Variants in TSC22D1 observed in about 807,000 individuals in gnomAD.
TSC22D1 encodes the protein TSC22 domain family protein 1.
TSC22D1 carries 9 observed loss-of-function variants against 74.2 expected under a neutral mutation model. The ratio of observed to expected loss-of-function variants is 0.12; its 90% confidence interval spans 0.07 to 0.21. TSC22D1 has a LOEUF of 0.21. Ranked by LOEUF, TSC22D1 falls within the 10% of genes least tolerant of loss-of-function variation. The pLI is 1.00. For synonymous variants in TSC22D1, 586 were observed against 492.5 expected, an observed-to-expected ratio of 1.19 and a Z score of -2.51; for missense variants, 1,427 against 1,304.7, an observed-to-expected ratio of 1.09 and a Z score of -1.44.
At position 44,448,892 on chromosome 13, in the gene TSC22D1, C is replaced by CGTGTGTGT. The variant is rs4053650; in HGVS notation, c.2913-12805_2913-12798dup. Among the ~76,000 whole-genome samples, 323 of 150,182 alleles carry CGTGTGTGT rather than the reference C, an allele frequency of 2.2e-3. 1 individual carries two copies. The highest frequency in any genetic ancestry group is 7.1e-3 in the African/African-American group (290 of 40,904). ...AAGTGCACACCAGAAATTCTAGATC[C>CGTGTGTGT]GTGTGTGTGTGTGTGTGTGTGTGTA... On this transcript the variant is annotated intron_variant, in intron 1 of 2. Coordinates refer to ENST00000458659, the MANE Select transcript of TSC22D1 (RefSeq NM_183422.4).
At chr13:44,539,908 T>TGGTA in intron 1 of TSC22D1, 1 of 1,289,746 alleles carries the variant, frequency 7.8e-7, no homozygotes, top group Non-Finnish European at 1.0e-6. Context: ...CTTGCACCTC[T>TGGTA]GGTAGGAGAG....
chr13:44,532,482 C>A (rs1335690731), intron 1 of TSC22D1, among the ~76,000 whole-genome samples: 1 of 151,284 alleles, frequency 6.6e-6, no homozygotes, highest in Non-Finnish European at 1.5e-5. Flanking sequence ...TCTACAAAAT[C>A]TTTTTTTTTG....
chr13:44,565,219 A>G (rs571954161), intron 1 of TSC22D1, among the ~76,000 whole-genome samples: 1 of 152,190 alleles, frequency 6.6e-6, no homozygotes, highest in Non-Finnish European at 1.5e-5. Context: ...GGGAAAAGGT[A>G]GTAAGTATAA....
rs1183541042 is a variant in TSC22D1 at position 44,505,164 on chromosome 13, C to A, written c.2912+67999G>T. ...TATTTTTGGGTCAAGCACAGTGGCT[C>A]ATGCCTGCAATCCCAGAACTTTGGG... On this transcript the variant is annotated intron_variant, in intron 1 of 2. Transcript: ENST00000458659. Among the ~76,000 whole-genome samples, 3 of 152,296 alleles carry A rather than the reference C, an allele frequency of 2.0e-5. No homozygotes were observed. In the East Asian group the frequency reaches 5.8e-4, roughly 29 times the overall value.
intron 1 of TSC22D1, among the ~76,000 whole-genome samples, chr13:44,478,894 A>AGT (rs60733643): frequency 0.025 from 3,779 of 150,134 alleles, 87 homozygotes; most frequent in African/African-American, 0.065. Context: ...ACACACAGGT[A>AGT]GTGTGTGTGT....
intron 1 of TSC22D1, among the ~76,000 whole-genome samples, chr13:44,490,268 C>T (rs970269509): frequency 6.6e-5 from 10 of 151,156 alleles, no homozygotes; most frequent in African/African-American, 2.4e-4. Flanking sequence ...TTCAAAATGG[C>T]CAAAACTAAC....
In TSC22D1 at chr13:44,573,535, G is replaced by A. The variant is rs781702747; in HGVS notation, c.2540C>T (p.Ala847Val). The change falls in exon 1 of 3, where the codon GCC (alanine) becomes GTC (valine). Residue 847 changes from alanine (A) to valine (V), a missense_variant. By Grantham distance (64) the Ala-to-Val change is moderately conservative (BLOSUM62 0). This residue lies in a region of TSC22D1 where 1,343 missense variants were observed against 1,191.5 expected (regional missense o/e 1.13). Coordinates refer to ENST00000458659, the MANE Select transcript of TSC22D1 (RefSeq NM_183422.4). ...SSTGPSGMPS[A>V]PTNLVPPQNI... ...TTGTGGTGGAACCAAGTTTGTTGGGGCAGAAGGCATTCCAGAAGGACCAGT... is the reference window on the plus strand; with the variant it reads ...TTGTGGTGGAACCAAGTTTGTTGGGACAGAAGGCATTCCAGAAGGACCAGT... 5.0e-6 allele frequency: 8 copies of A among 1,614,212 alleles called. No homozygotes were observed. The highest frequency in any genetic ancestry group is 6.8e-6 in the Non-Finnish European group (8 of 1,180,042).
Position 44,573,222 on chromosome 13 carries a change from A to C in TSC22D1, c.2853T>G (p.Ser951=). Residue 951 remains serine (S), a synonymous_variant, in exon 1 of 3, where the codon TCT becomes TCG. Transcript: ENST00000458659. ...GCGGTAGCACCTTCAACGGGAAAAG[A>C]GAAGCAGAGGCTGCTAGGCTGCTGC... ...GSSSSLAASA[S]LFPLKVLPLT... 6.2e-7 allele frequency: 1 copy of C among 1,614,226 alleles called. No individual in the cohort carries two copies. The highest frequency in any genetic ancestry group is 1.3e-5 in the African/African-American group (1 of 75,066).
In TSC22D1 at chr13:44,434,865, A is replaced by G; in HGVS notation, c.2983T>C (p.Leu995=). 1 of 1,613,404 alleles carries G rather than the reference A, an allele frequency of 6.2e-7. No homozygotes were observed. Among genetic ancestry groups the G allele is most frequent in the East Asian group, 2.2e-5 (1 of 44,884 alleles). ...EQAMDLVKSH[L]MYAVREEVEV... The stretch of plus-strand genomic sequence containing the variant: ...ACTTCTTCTCTGACCGCATACATCA[A>G]ATGGCTTTTCACTAGATCCTGGAAA... Residue 995 remains leucine (L), a synonymous_variant, in exon 3 of 3, where the codon TTG becomes CTG. Coordinates refer to ENST00000458659, the MANE Select transcript of TSC22D1 (RefSeq NM_183422.4).
chr13:44,444,278 C>CAAAAAAAAAA lies in TSC22D1; in HGVS notation c.2913-8193_2913-8184dup, dbSNP rs71070905. 3.0e-3 allele frequency among the ~76,000 whole-genome samples: 52 copies of CAAAAAAAAAA among 17,592 alleles called. 2 individuals carry two copies. Among genetic ancestry groups the CAAAAAAAAAA allele is most frequent in the African/African-American group, 5.2e-3 (22 of 4,212 alleles). The allele number at this position is 17,592 out of a possible 152,430, so 11.5% of individuals were successfully genotyped here. A position where few individuals can be genotyped will look rare whatever the true frequency, so the allele number is the denominator to read the frequency against. On this transcript the variant is annotated intron_variant, in intron 1 of 2. Transcript: ENST00000458659. ...TGGGGAACAGAGCAAGACTCTGTCT[C>CAAAAAAAAAA]AAAAAAAAAAAAAAAAAAAAAAAAA... is the stretch of plus-strand genomic sequence containing the variant.
At chr13:44,517,759 G>C (rs1336656644) in intron 1 of TSC22D1, among the ~76,000 whole-genome samples, 1 of 71,526 alleles carries the variant, frequency 1.4e-5, no homozygotes, top group Non-Finnish European at 3.1e-5. Context: ...ATATATGTGT[G>C]TGTGTATATA....
At chr13:44,441,295 G>T (rs185363866) in intron 1 of TSC22D1, among the ~76,000 whole-genome samples, 139 of 152,332 alleles carry the variant, frequency 9.1e-4, no homozygotes, top group African/African-American at 3.2e-3. Context: ...ACACATCTAA[G>T]CATTTGCAGG....
At chr13:44,451,254 G>T (rs573626014) in intron 1 of TSC22D1, among the ~76,000 whole-genome samples, 10 of 152,254 alleles carry the variant, frequency 6.6e-5, no homozygotes, top group South Asian at 6.2e-4. Flanking sequence ...GACAGAAGCG[G>T]GACACTGCAA....
intron 1 of TSC22D1, among the ~76,000 whole-genome samples, chr13:44,565,775 C>T (rs1296356413): frequency 6.6e-6 from 1 of 152,134 alleles, no homozygotes; most frequent in Admixed American, 6.5e-5. Flanking sequence ...CTAGGTTGGT[C>T]TTGAACTCCT....
chr13:44,537,553 TA>T, intron 1 of TSC22D1: 1 of 985,142 alleles, frequency 1.0e-6, no homozygotes, highest in Non-Finnish European at 1.2e-6. Flanking sequence ...TCCAAGCAAA[TA>T]TCATTTTTAG....
chr13:44,447,649 T>C (rs927323260), intron 1 of TSC22D1, among the ~76,000 whole-genome samples: 4 of 152,028 alleles, frequency 2.6e-5, no homozygotes, highest in Admixed American at 6.5e-5. Flanking sequence ...ATATAACACA[T>C]GTATTTACCC....
chr13:44,535,339 A>T (rs922023897), intron 1 of TSC22D1, among the ~76,000 whole-genome samples: 3 of 152,128 alleles, frequency 2.0e-5, no homozygotes, highest in Non-Finnish European at 4.4e-5. Context: ...TTAGATGTAC[A>T]TATTAGTGGA....
intron 1 of TSC22D1, among the ~76,000 whole-genome samples, chr13:44,556,658 G>T (rs1362273042): frequency 6.6e-6 from 1 of 152,178 alleles, no homozygotes; most frequent in East Asian, 1.9e-4. Context: ...TTAGGGTCAG[G>T]AGTTCATGAC....
chr13:44,574,110 C>T lies in TSC22D1; in HGVS notation c.1965G>A (p.Glu655=), dbSNP rs1354349981. 2 of 1,614,168 alleles carry T rather than the reference C, an allele frequency of 1.2e-6. No individual in the cohort carries two copies. The highest frequency in any genetic ancestry group is 1.7e-5 in the Admixed American group (1 of 60,030). Residue 655 remains glutamate (E), a synonymous_variant, in exon 1 of 3, where the codon GAG becomes GAA. Transcript: ENST00000458659. The part of the protein sequence containing the change: ...VKSVTQNPAS[E]YVQQQPILQT... ...GAAGAATTGGCTGCTGTTGTACATA[C>T]TCTGAAGCAGGATTTTGAGTCACTG...
Sources: allele counts gnomAD v4.1 joint callset (sites outside exome capture counted in the v4.1 genomes callset), GRCh38; gene constraint gnomAD v4.1.1; regional missense constraint gnomAD v4.1.1; transcripts MANE v1.5; gene names NCBI Gene and HGNC (gene_info 2026-07-23, HGNC 2026-07-21).